Variants in AK8 observed in about 807,000 individuals in gnomAD.
AK8 encodes adenylate kinase 8.
AK8 carries 44 observed loss-of-function variants against 54.6 expected under a neutral mutation model. The observed-to-expected ratio is 0.81, with a 90% CI of 0.63 to 1.04. The LOEUF (loss-of-function observed/expected upper bound fraction) is 1.04, where lower values mean the gene tolerates loss of function less well. AK8 is among the 50% of genes least tolerant of loss of function. The pLI is 0.00. For synonymous variants in AK8, 239 were observed against 245.6 expected (o/e 0.97, Z 0.25); for missense variants, 555 against 613.6 (o/e 0.90, Z 1.01).
intron 11 of AK8, among the ~76,000 whole-genome samples, chr9:132,735,945 G>T (rs565377114): frequency 6.6e-6 from 1 of 152,186 alleles, no homozygotes; most frequent in African/African-American, 2.4e-5. Context: ...ATACCTAGTT[G>T]GTATAGCCTA....
At chr9:132,834,550 G>T (rs1440940501) in intron 5 of AK8, among the ~76,000 whole-genome samples, 1 of 152,186 alleles carries the variant, frequency 6.6e-6, no homozygotes, top group Non-Finnish European at 1.5e-5. Flanking sequence ...CCACATGTAT[G>T]ACTGTAGCAG....
intron 6 of AK8, 61 bp downstream of exon 6, chr9:132,828,584 T>C: frequency 6.7e-7 from 1 of 1,483,514 alleles, no homozygotes; most frequent in Non-Finnish European, 9.2e-7. Context: ...AGCGGGGCGC[T>C]CACTGGCCAC....
intron 1 of AK8, 188 bp downstream of exon 1, chr9:132,877,984 A>C: frequency 6.9e-7 from 1 of 1,444,312 alleles, no homozygotes; most frequent in South Asian, 1.2e-5. Context: ...CCCGGGCAGG[A>C]CCAGGAGCGT....
In AK8 at chr9:132,777,820, A is replaced by C. The variant is rs183852839; in HGVS notation, c.1121+14814T>G. Among the ~76,000 whole-genome samples the C allele has an allele frequency of 2.5e-3, 382 of 152,344 alleles. 1 individual carries two copies. The highest frequency in any genetic ancestry group is 4.5e-3 in the Non-Finnish European group (304 of 68,022). On this transcript the variant is annotated intron_variant, in intron 11 of 12. Transcript: ENST00000298545. ...AGAGATCGCTGCCAAATGTTTAAAGAAAGAGAAGAGCCCAGAAAAGGCAAG... is the reference window on the plus strand; with the variant it reads ...AGAGATCGCTGCCAAATGTTTAAAGCAAGAGAAGAGCCCAGAAAAGGCAAG...
chr9:132,838,068 A>C (rs1412719076), intron 5 of AK8, among the ~76,000 whole-genome samples: 2 of 152,242 alleles, frequency 1.3e-5, no homozygotes, highest in Non-Finnish European at 2.9e-5. Context: ...CTGTGTTCCT[A>C]CTGTCAGTGG....
chr9:132,747,932 C>G (rs1837731996), intron 11 of AK8, among the ~76,000 whole-genome samples: 1 of 150,858 alleles, frequency 6.6e-6, no homozygotes, highest in Non-Finnish European at 1.5e-5. Flanking sequence ...AATCCCATCT[C>G]TACTAAAAAT....
chr9:132,840,110 G>A (rs1842478024), intron 5 of AK8, among the ~76,000 whole-genome samples: 1 of 152,116 alleles, frequency 6.6e-6, no homozygotes, highest in South Asian at 2.1e-4. Context: ...GAGCCACTGC[G>A]CCCGGCCCCA....
At chr9:132,840,626 CTCATGCCTGTAA>C (rs1842506382) in intron 5 of AK8, among the ~76,000 whole-genome samples, 2 of 152,296 alleles carry the variant, frequency 1.3e-5, no homozygotes, top group African/African-American at 4.8e-5. Flanking sequence ...GGCACAGTGG[CTCATGCCTGTAA>C]TCCCAGGAAT....
chr9:132,851,955 A>G (rs1413074271), intron 5 of AK8, among the ~76,000 whole-genome samples: 1 of 152,240 alleles, frequency 6.6e-6, no homozygotes, highest in African/African-American at 2.4e-5. Flanking sequence ...CGTAACTCAG[A>G]TACTGGAATT....
intron 11 of AK8, among the ~76,000 whole-genome samples, chr9:132,742,403 C>T (rs1005435168): frequency 3.3e-5 from 5 of 152,136 alleles, no homozygotes; most frequent in Non-Finnish European, 7.3e-5. Context: ...GTCTTTTGGG[C>T]TCAAGTAATC....
intron 11 of AK8, among the ~76,000 whole-genome samples, chr9:132,789,597 CAAAAA>C (rs578003731): frequency 8.7e-5 from 5 of 57,548 alleles, no homozygotes; most frequent in African/African-American, 6.4e-5. Flanking sequence ...ACTCATCTCA[CAAAAA>C]AAAAAAAAAA....
At chr9:132,820,844 T>C (rs1841564084) in intron 9 of AK8, among the ~76,000 whole-genome samples, 2 of 152,230 alleles carry the variant, frequency 1.3e-5, no homozygotes, top group South Asian at 2.1e-4. Context: ...CCTGGAGCTC[T>C]GGGTTCAGAC....
At chr9:132,736,186 CTTT>C (rs34977784) in intron 11 of AK8, among the ~76,000 whole-genome samples, 5 of 135,334 alleles carry the variant, frequency 3.7e-5, no homozygotes, top group Non-Finnish European at 6.3e-5. Flanking sequence ...ACTATTCAGT[CTTT>C]TTTTTTTTTT....
At chr9:132,863,145 G>A (rs188715455) in intron 4 of AK8, among the ~76,000 whole-genome samples, 43 of 152,382 alleles carry the variant, frequency 2.8e-4, no homozygotes, top group African/African-American at 9.4e-4. Context: ...GAGGGACAGG[G>A]GGAATGGGCA....
At chr9:132,805,794 C>T (rs376282530) in intron 10 of AK8, among the ~76,000 whole-genome samples, 1 of 152,086 alleles carries the variant, frequency 6.6e-6, no homozygotes, top group East Asian at 1.9e-4. Context: ...ACAGCTTTCT[C>T]TCTGGCTGAA....
At chr9:132,828,339 T>C (rs1841964501) in intron 6 of AK8, among the ~76,000 whole-genome samples, 1 of 152,222 alleles carries the variant, frequency 6.6e-6, no homozygotes, top group Non-Finnish European at 1.5e-5. Context: ...TCGTCACAGA[T>C]AACGCCACAA....
At chr9:132,823,441 T>A in intron 8 of AK8, 105 bp from the exon 9 acceptor site, 1 of 1,471,440 alleles carries the variant, frequency 6.8e-7, no homozygotes, top group Non-Finnish European at 9.3e-7. Context: ...ACTCTTTTTC[T>A]CTTTCACAGC....
chr9:132,730,134 G>A (rs1187231309), intron 11 of AK8, among the ~76,000 whole-genome samples: 1 of 152,164 alleles, frequency 6.6e-6, no homozygotes, highest in Non-Finnish European at 1.5e-5. Flanking sequence ...CAACACGGTG[G>A]GAGGCTTTTC....
At chr9:132,874,062 T>A (rs548550346) in intron 2 of AK8, among the ~76,000 whole-genome samples, 5 of 152,286 alleles carry the variant, frequency 3.3e-5, no homozygotes, top group Admixed American at 3.3e-4. Flanking sequence ...CCTGGGCATA[T>A]AGGACGCTCA....
Sources: allele counts gnomAD v4.1 joint callset (sites outside exome capture counted in the v4.1 genomes callset), GRCh38; gene constraint gnomAD v4.1.1; transcripts MANE v1.5; gene names NCBI Gene and HGNC (gene_info 2026-07-23, HGNC 2026-07-21).